The following OLFM1 variants were observed in gnomAD, a reference collection of about 807,000 sequenced individuals.
OLFM1 encodes olfactomedin 1, also known as noelin.
A neutral mutation model predicts 49.7 loss-of-function variants in OLFM1; 9 were observed. The ratio of observed to expected loss-of-function variants is 0.18; its 90% CI spans 0.11 to 0.32. The LOEUF (loss-of-function observed/expected upper bound fraction) is 0.32. OLFM1 is among the 10% of genes least tolerant of loss of function. OLFM1 has a pLI of 1.00. For synonymous variants in OLFM1, 240 were observed against 271.8 expected, an observed-to-expected ratio of 0.88 and a Z score of 1.15; for missense variants, 369 against 661.8, an observed-to-expected ratio of 0.56 and a Z score of 4.85.
chr9:135,076,700 C>A, intron 1 of OLFM1: 9 of 1,407,882 alleles, frequency 6.4e-6, no homozygotes, highest in Non-Finnish European at 8.4e-6. Flanking sequence ...CTGGGAGACT[C>A]TGGCCCTTTG....
intron 3 of OLFM1, among the ~76,000 whole-genome samples, chr9:135,097,298 C>T (rs1218987113): frequency 6.6e-6 from 1 of 152,186 alleles, no homozygotes; most frequent in East Asian, 1.9e-4. Flanking sequence ...CGATTGTGCT[C>T]ATCAGAGGCA....
upstream of OLFM1, chr9:135,086,493 C>T (rs936679991): frequency 1.8e-5 from 7 of 388,464 alleles, no homozygotes; most frequent in Non-Finnish European, 2.6e-5. Flanking sequence ...TCCGGCCCGG[C>T]GTCCGTCTTT....
chr9:135,119,927 G>A lies in OLFM1; in HGVS notation c.1207G>A (p.Gly403Arg), dbSNP rs1233540026. The change falls in exon 6 of 6, where the codon GGG becomes AGG. Residue 403 changes from glycine to arginine, a missense_variant. Coordinates refer to ENST00000371793, the MANE Select transcript of OLFM1 (RefSeq NM_001282611.2). ...WNTSYPKRSAGEAFIICGTLY... is the reference protein window; with the variant it reads ...WNTSYPKRSAREAFIICGTLY... ...CACGAGCTACCCCAAGCGCAGCGCCGGGGAGGCCTTCATCATCTGCGGCAC... is the reference window on the plus strand; with the variant it reads ...CACGAGCTACCCCAAGCGCAGCGCCAGGGAGGCCTTCATCATCTGCGGCAC... The A allele has an allele frequency of 3.1e-6, 5 of 1,613,392 alleles. No individual in the cohort carries two copies. The highest frequency in any genetic ancestry group is 1.7e-5 in the Admixed American group (1 of 59,998).
In OLFM1 at chr9:135,120,355, G is replaced by A. The variant is rs59480837; in HGVS notation, c.*177G>A. On this transcript the variant is annotated 3_prime_UTR_variant, in exon 6 of 6. Transcript: ENST00000371793. ...CGTGTTTCTCCCTTTCGAGCCGGCG[G>A]GCCACAGACGTCGGAAGAAACTCCC... 3,163 of 644,198 alleles carry A rather than the reference G, an allele frequency of 4.9e-3. 69 individuals are homozygous for A. In the African/African-American group the frequency reaches 0.051, roughly 10 times the overall value. The allele number at this position is 644,198 out of a possible 1,614,324, so 39.9% of individuals were successfully genotyped here. A position where few individuals can be genotyped will look rare whatever the true frequency, so the allele number is the denominator to read the frequency against.
chr9:135,096,823 G>C (rs765050593), intron 3 of OLFM1, among the ~76,000 whole-genome samples: 5 of 152,214 alleles, frequency 3.3e-5, no homozygotes, highest in Non-Finnish European at 5.9e-5. Context: ...GGAAAAAAGA[G>C]AGAGATGCCA....
intron 4 of OLFM1, among the ~76,000 whole-genome samples, chr9:135,103,086 G>C (rs920215564): frequency 1.3e-5 from 2 of 152,216 alleles, no homozygotes; most frequent in African/African-American, 4.8e-5. Context: ...TGCCCCTCCA[G>C]CTGAGCATGC....
At chr9:135,106,435 G>T (rs539502146) in intron 4 of OLFM1, 10 of 348,050 alleles carry the variant, frequency 2.9e-5, no homozygotes, top group African/African-American at 1.7e-4. Flanking sequence ...TGCTGCTCCA[G>T]CACCCCCATC....
chr9:135,079,099 C>T (rs556319577), intron 1 of OLFM1, among the ~76,000 whole-genome samples: 81 of 152,306 alleles, frequency 5.3e-4, no homozygotes, highest in African/African-American at 1.9e-3. Flanking sequence ...TTAAGTGAGT[C>T]CAAACCCTTG....
Position 135,098,525 on chromosome 9 carries a change from G to A in OLFM1, c.676+20G>A, listed in dbSNP as rs779785348. On this transcript the variant is annotated intron_variant, in intron 4 of 5. Coordinates refer to ENST00000371793, the MANE Select transcript of OLFM1 (RefSeq NM_001282611.2). The surrounding 1 kb of genome is among the most constrained non-coding windows in gnomAD (Gnocchi z 5.6). ...AACTAGGTAGGCCCAGTACCCTGCG[G>A]GACGTGGCGCTGCACTGCCCACCTC... 1.2e-6 allele frequency: 2 copies of A among 1,602,734 alleles called. No individual in the cohort carries two copies. Among genetic ancestry groups the A allele is most frequent in the East Asian group, 4.5e-5 (2 of 44,836 alleles).
At chr9:135,081,511 C>T (rs1242428998) in intron 1 of OLFM1, among the ~76,000 whole-genome samples, 1 of 152,090 alleles carries the variant, frequency 6.6e-6, no homozygotes, top group African/African-American at 2.4e-5. Context: ...CCTTGCAACC[C>T]CTGAGGATCA....
At chr9:135,092,274 G>C (rs1030623913) in intron 2 of OLFM1, among the ~76,000 whole-genome samples, 11 of 152,182 alleles carry the variant, frequency 7.2e-5, no homozygotes, top group Non-Finnish European at 1.2e-4. Context: ...GACGGGCCTT[G>C]AAAGGTCCGA....
upstream of OLFM1, among the ~76,000 whole-genome samples, chr9:135,083,965 C>T (rs1180381392): frequency 6.6e-6 from 1 of 152,192 alleles, no homozygotes; most frequent in East Asian, 1.9e-4. Context: ...TGCTGCCAGG[C>T]ACAGGGAGCC....
At position 135,114,123 on chromosome 9, in the gene OLFM1, C is replaced by CTTTTTTTT. The variant is rs138372395; in HGVS notation, c.784-5361_784-5354dup. The stretch of plus-strand genomic sequence containing the variant: ...TCCAGGACCAGCTCATCTTGAGATT[C>CTTTTTTTT]TTTTTTTTTTTTTTTTTTTTTTTTT... On this transcript the variant is annotated intron_variant, in intron 5 of 5. Transcript: ENST00000371793. 2.2e-3 allele frequency among the ~76,000 whole-genome samples: 165 copies of CTTTTTTTT among 75,844 alleles called. 30 individuals carry two copies. Among genetic ancestry groups the CTTTTTTTT allele is most frequent in the Non-Finnish European group, 3.0e-3 (118 of 39,994 alleles). The allele number at this position is 75,844 out of a possible 152,430, so 49.8% of individuals were successfully genotyped here.
At chr9:135,105,374 C>T (rs1230850241) in intron 4 of OLFM1, among the ~76,000 whole-genome samples, 1 of 152,214 alleles carries the variant, frequency 6.6e-6, no homozygotes, top group African/African-American at 2.4e-5. Context: ...CTCTGAAAGC[C>T]CTGGTGCCCG....
Position 135,120,646 on chromosome 9 carries a change from A to C in OLFM1, c.*468A>C. ...CATCCCATTGCAGTGCCGTTTCTTG[A>C]CTGTGTTGCTGTCTCTTAGATTAAC... On this transcript the variant is annotated 3_prime_UTR_variant, in exon 6 of 6. Coordinates refer to ENST00000371793, the MANE Select transcript of OLFM1 (RefSeq NM_001282611.2). The C allele has an allele frequency of 5.5e-6, 1 of 183,374 alleles. No homozygotes were observed. The highest frequency in any genetic ancestry group is 1.1e-5 in the Non-Finnish European group (1 of 87,782). 11.4% of individuals were successfully genotyped at this position (183,374 alleles called of 1,614,324 possible).
chr9:135,096,167 C>A (rs1830792170), intron 3 of OLFM1, 148 bp downstream of exon 3: 1 of 6,034 alleles, frequency 1.7e-4, no homozygotes, highest in Non-Finnish European at 2.6e-4. Context: ...CTTCCTCCTC[C>A]CTCTCCTTCT....
At chr9:135,076,406 C>T in intron 1 of OLFM1, 1 of 1,486,316 alleles carries the variant, frequency 6.7e-7, no homozygotes, top group Non-Finnish European at 9.0e-7. Flanking sequence ...AGTGAGGAGC[C>T]CTGTGGCGTG....
At chr9:135,106,939 C>T (rs1830953148) in intron 5 of OLFM1, 84 bp downstream of exon 5, 1 of 1,085,636 alleles carries the variant, frequency 9.2e-7, no homozygotes, top group African/African-American at 1.6e-5. Context: ...GGGTACAAGC[C>T]ACGCCCACCC....
upstream of OLFM1, chr9:135,087,332 G>A (rs938545259): frequency 1.3e-6 from 2 of 1,537,770 alleles, no homozygotes; most frequent in African/African-American, 1.4e-5. Context: ...GCCCCAAAGC[G>A]GACCCTCTGC....
Sources: allele counts gnomAD v4.1 joint callset (sites outside exome capture counted in the v4.1 genomes callset), GRCh38; gene constraint gnomAD v4.1.1; non-coding constraint Gnocchi (gnomAD v3.1); transcripts MANE v1.5; gene names NCBI Gene and HGNC (gene_info 2026-07-23, HGNC 2026-07-21).